PBX4: variants seen among roughly 807,000 people sequenced by gnomAD.
PBX4 encodes PBX homeobox 4.
PBX4 carries 26 observed loss-of-function variants against 35.1 expected under a neutral mutation model. The observed-to-expected ratio is 0.74, with a 90% CI of 0.54 to 1.03. PBX4 has a LOEUF of 1.03. Ranked by LOEUF, PBX4 falls within the 50% of genes least tolerant of loss-of-function variation. The pLI is 0.00. For missense variants in PBX4, 448 were observed against 504.3 expected (o/e 0.89, Z 1.07); for synonymous variants, 199 against 204.2 (o/e 0.97, Z 0.22).
At position 19,561,759 on chromosome 19, in the gene PBX4, A is replaced by G. The variant is rs1194651011; in HGVS notation, c.*266T>C. On this transcript the variant is annotated 3_prime_UTR_variant, in exon 8 of 8. Transcript: ENST00000251203. Reference sequence around the variant, plus strand: ...AATGGGAAAATCTGTGCCCAGTCCTAGAACAGACAATTCAATTCATAGCGT... The same window carrying G: ...AATGGGAAAATCTGTGCCCAGTCCTGGAACAGACAATTCAATTCATAGCGT... 1 of 390,566 alleles carries G rather than the reference A, an allele frequency of 2.6e-6. No homozygotes were observed. The highest frequency in any genetic ancestry group is 4.5e-5 in the Admixed American group (1 of 22,272). 24.2% of individuals were successfully genotyped at this position (390,566 alleles called of 1,614,324 possible).
chr19:19,588,854 G>C (rs1249175111), intron 2 of PBX4, among the ~76,000 whole-genome samples: 1 of 152,142 alleles, frequency 6.6e-6, no homozygotes, highest in East Asian at 1.9e-4. Context: ...AGTTCACCAG[G>C]GCTGGACAGG....
chr19:19,565,506 C>T (rs1470624885), intron 5 of PBX4, among the ~76,000 whole-genome samples: 2 of 152,170 alleles, frequency 1.3e-5, no homozygotes, highest in African/African-American at 2.4e-5. Flanking sequence ...TAACTGCGAT[C>T]GAATCCCAAA....
chr19:19,574,244 T>G (rs1475416693), intron 2 of PBX4, among the ~76,000 whole-genome samples: 2 of 152,308 alleles, frequency 1.3e-5, no homozygotes, highest in Admixed American at 6.5e-5. Context: ...TCAGGATACA[T>G]CCCCTTGGGA....
chr19:19,599,319 C>G lies in PBX4; in HGVS notation c.166G>C (p.Val56Leu), dbSNP rs763032974. The change falls in exon 2 of 8, where the codon GTG becomes CTG. Residue 56 changes from valine (V) to leucine (L), a missense_variant. By Grantham distance (32) the Val-to-Leu change is conservative. Coordinates refer to ENST00000251203, the MANE Select transcript of PBX4 (RefSeq NM_025245.3). ...CHRMKPALFS[V>L]LCEIKEKTVV... ...GTCTTTTCCTTGATCTCACAGAGCA[C>G]GCTGAACAGAGCAGGCTTCATCCGA... 1.9e-6 allele frequency: 3 copies of G among 1,613,184 alleles called. No homozygotes were observed. In the South Asian group the frequency reaches 3.3e-5, roughly 18 times the overall value.
Position 19,563,857 on chromosome 19 carries a change from G to C in PBX4, c.926-242C>G. 1 of 389,326 alleles carries C rather than the reference G, an allele frequency of 2.6e-6. No individual in the cohort carries two copies. Among genetic ancestry groups the C allele is most frequent in the Non-Finnish European group, 4.9e-6 (1 of 206,168 alleles). The allele number at this position is 389,326 out of a possible 1,614,324, so 24.1% of individuals were successfully genotyped here. A position where few individuals can be genotyped will look rare whatever the true frequency, so the allele number is the denominator to read the frequency against. ...CAGTCTCGCTCTGTCACCCAGGCTTGAGTGCAGTGGCACGATCTTGGCTCA... is the reference window on the plus strand; with the variant it reads ...CAGTCTCGCTCTGTCACCCAGGCTTCAGTGCAGTGGCACGATCTTGGCTCA... On this transcript the variant is annotated intron_variant, in intron 6 of 7. Transcript: ENST00000251203. This position sits in a 1 kb window ranked among gnomAD's most constrained non-coding sequence, Gnocchi z 5.1.
At chr19:19,564,486 A>G (rs1407593762) in intron 6 of PBX4, among the ~76,000 whole-genome samples, 1 of 152,040 alleles carries the variant, frequency 6.6e-6, no homozygotes, top group Admixed American at 6.6e-5. Context: ...GATGGTCTCT[A>G]TCTCCTGACC....
At chr19:19,599,232 G>T in intron 2 of PBX4, 60 bp downstream of exon 2, 1 of 1,422,626 alleles carries the variant, frequency 7.0e-7, no homozygotes, top group Non-Finnish European at 9.9e-7. Context: ...CTCCCAATGT[G>T]CTGGGATTAC....
At chr19:19,583,157 T>C (rs2061466344) in intron 2 of PBX4, among the ~76,000 whole-genome samples, 1 of 151,882 alleles carries the variant, frequency 6.6e-6, no homozygotes, top group Non-Finnish European at 1.5e-5. Context: ...GTCTTTACTG[T>C]GATCCCAGCT....
Position 19,569,509 on chromosome 19 carries a change from AG to A in PBX4, c.707del (p.Pro236LeufsTer144), listed in dbSNP as rs1196167241. ...CTTCTTTGGCTTCTTCGCTGGGGTA[AG>A]GGTTGTTCAGATGGGAGTAAAAATA... ...NEYFYSHLNN[P>X]YPSEEAKEEL... On this transcript the variant is annotated frameshift_variant, in exon 5 of 8. Coordinates refer to ENST00000251203, the MANE Select transcript of PBX4 (RefSeq NM_025245.3). LOFTEE classifies it high-confidence loss of function. 14 of 1,613,818 alleles carry A rather than the reference AG, an allele frequency of 8.7e-6. No homozygotes were observed. The highest frequency in any genetic ancestry group is 3.3e-5 in the Admixed American group (2 of 59,974).
chr19:19,586,425 TAAAC>T lies in PBX4; in HGVS notation c.193+12863_193+12866del, dbSNP rs900149585. On this transcript the variant is annotated intron_variant, in intron 2 of 7. Coordinates refer to ENST00000251203, the MANE Select transcript of PBX4 (RefSeq NM_025245.3). ...CAGAGCAAGACCCTGTCTCAAAAAA[TAAAC>T]AAACAATTATATGAGCTGCTAATGC... Among the ~76,000 whole-genome samples, 4 of 151,758 alleles carry T rather than the reference TAAAC, an allele frequency of 2.6e-5. No homozygotes were observed. The East Asian group carries it at 5.9e-4, about 22-fold the overall frequency.
At position 19,618,682 on chromosome 19, in the gene PBX4, A is replaced by G; in HGVS notation, c.-53T>C. 3.4e-6 allele frequency: 4 copies of G among 1,176,894 alleles called. No individual in the cohort carries two copies. The highest frequency in any genetic ancestry group is 1.6e-5 in the African/African-American group (1 of 62,248). 72.9% of individuals were successfully genotyped at this position (1,176,894 alleles called of 1,614,324 possible). ...AGGGTGCCGTCGAGCCTGGAGCACT[A>G]CCACTGGCGCCGCAGCCAACCGCCG... On this transcript the variant is annotated 5_prime_UTR_variant, in exon 1 of 8. Coordinates refer to ENST00000251203, the MANE Select transcript of PBX4 (RefSeq NM_025245.3).
chr19:19,574,159 G>A (rs906432471), intron 2 of PBX4, among the ~76,000 whole-genome samples: 1 of 152,182 alleles, frequency 6.6e-6, no homozygotes, highest in African/African-American at 2.4e-5. Context: ...TTATAAGCGT[G>A]AGCCACCGCA....
Position 19,618,587 on chromosome 19 carries a change from G to A in PBX4, c.43C>T (p.Arg15Trp). ...AGGACGTCGCTCGTGTCGAGGCGCC[G>A]CGGGGCGGGGGGCGATGGCGCGGGG... ...PRPAPSPPAP[R>W]RLDTSDVLQQ... Residue 15 changes from arginine (R) to tryptophan (W), a missense_variant, in exon 1 of 8, where the codon CGG becomes TGG. Coordinates refer to ENST00000251203, the MANE Select transcript of PBX4 (RefSeq NM_025245.3). 1 of 1,311,304 alleles carries A rather than the reference G, an allele frequency of 7.6e-7. No individual in the cohort carries two copies. The highest frequency in any genetic ancestry group is 9.7e-7 in the Non-Finnish European group (1 of 1,026,052). The allele number at this position is 1,311,304 out of a possible 1,614,324, so 81.2% of individuals were successfully genotyped here. A position where few individuals can be genotyped will look rare whatever the true frequency, so the allele number is the denominator to read the frequency against.
At chr19:19,596,133 T>A (rs1355508569) in intron 2 of PBX4, among the ~76,000 whole-genome samples, 2 of 152,010 alleles carry the variant, frequency 1.3e-5, no homozygotes, top group Non-Finnish European at 2.9e-5. Flanking sequence ...GGATCACATC[T>A]CTAATCCCAG....
At chr19:19,577,196 A>G (rs866150342) in intron 2 of PBX4, among the ~76,000 whole-genome samples, 1 of 87,322 alleles carries the variant, frequency 1.1e-5, no homozygotes, top group African/African-American at 4.0e-5. Context: ...CTCCATGTCA[A>G]AAAAAAAAAA....
chr19:19,592,926 G>C (rs2061537647), intron 2 of PBX4, among the ~76,000 whole-genome samples: 2 of 152,146 alleles, frequency 1.3e-5, no homozygotes, highest in Admixed American at 1.3e-4. Context: ...GCCTGGCTGT[G>C]GGTGACTGGT....
In PBX4 at chr19:19,563,566, G is replaced by A; in HGVS notation, c.975C>T (p.Thr325=). The A allele has an allele frequency of 6.4e-7, 1 of 1,550,578 alleles. No individual in the cohort carries two copies. The highest frequency in any genetic ancestry group is 1.2e-5 in the South Asian group (1 of 84,050). Residue 325 remains threonine, a synonymous_variant, in exon 7 of 8, where the codon ACC becomes ACT. Coordinates refer to ENST00000251203, the MANE Select transcript of PBX4 (RefSeq NM_025245.3). The surrounding 1 kb of genome is among the most constrained non-coding windows in gnomAD (Gnocchi z 5.1). ...PLPSAGDAFL[T]LRTLASLQPP... Reference sequence around the variant, plus strand: ...GCTGGAGAGAGGCCAGAGTCCGCAGGGTGAGGAAGGCGTCCCCAGCGCTGG... The same window carrying A: ...GCTGGAGAGAGGCCAGAGTCCGCAGAGTGAGGAAGGCGTCCCCAGCGCTGG...
At chr19:19,608,237 C>T (rs191200968) in intron 1 of PBX4, 2 of 152,120 alleles carry the variant, frequency 1.3e-5, no homozygotes, top group Non-Finnish European at 2.9e-5. Context: ...GCCTGTAATC[C>T]CAGCTACTCA....
At chr19:19,577,053 C>G (rs1041851137) in intron 2 of PBX4, among the ~76,000 whole-genome samples, 17 of 152,118 alleles carry the variant, frequency 1.1e-4, no homozygotes, top group African/African-American at 4.1e-4. Flanking sequence ...CATGGTGAAA[C>G]ACCATCTCTA....
Sources: gnomAD v4.1 joint callset for allele counts (sites outside exome capture counted in the v4.1 genomes callset) on GRCh38, gnomAD v4.1.1 for gene constraint, Gnocchi (gnomAD v3.1) non-coding constraint, MANE v1.5 for transcripts, NCBI Gene and HGNC (gene_info 2026-07-23, HGNC 2026-07-21) for gene names.